Variants in EBPL observed in about 807,000 individuals in gnomAD.
EBPL encodes the protein EBP like.
Under a neutral mutation model 19.0 loss-of-function variants are expected in EBPL, and 20 were observed. The ratio of observed to expected loss-of-function variants is 1.05; its 90% confidence interval spans 0.74 to 1.53. EBPL has a LOEUF of 1.53. Ranked by LOEUF, EBPL falls within the 40% of genes most tolerant of loss-of-function variation. EBPL has a pLI of 0.00. For synonymous variants in EBPL, 107 were observed against 117.0 expected, an observed-to-expected ratio of 0.91 and a Z score of 0.55; for missense variants, 219 against 261.1, an observed-to-expected ratio of 0.84 and a Z score of 1.11.
At chr13:49,684,301 GA>G (rs1293987446) in intron 1 of EBPL, among the ~76,000 whole-genome samples, 1 of 152,200 alleles carries the variant, frequency 6.6e-6, no homozygotes, top group Non-Finnish European at 1.5e-5. Context: ...GGGGAATTTA[GA>G]AAAGTGGCTG....
chr13:49,672,684 T>C (rs1032546946), intron 1 of EBPL, among the ~76,000 whole-genome samples: 7 of 152,106 alleles, frequency 4.6e-5, no homozygotes, highest in African/African-American at 1.4e-4. Context: ...AATAAGCACA[T>C]GGAAAGATGT....
At chr13:49,678,677 A>C (rs928951983) in intron 1 of EBPL, among the ~76,000 whole-genome samples, 2 of 151,588 alleles carry the variant, frequency 1.3e-5, no homozygotes, top group African/African-American at 4.8e-5. Flanking sequence ...ACACCTCTCC[A>C]CAAGCAAAGG....
intron 1 of EBPL, 146 bp from the exon 2 acceptor site, chr13:49,669,992 T>C: frequency 1.5e-6 from 1 of 654,486 alleles, no homozygotes; most frequent in East Asian, 2.7e-5. Flanking sequence ...CCATACAACC[T>C]TGTGGGATAC....
chr13:49,661,003 G>T lies in EBPL; in HGVS notation c.586C>A (p.Gln196Lys). 1 of 1,613,894 alleles carries T rather than the reference G, an allele frequency of 6.2e-7. No individual in the cohort carries two copies. The highest frequency in any genetic ancestry group is 1.1e-5 in the South Asian group (1 of 90,990). ...TTCTTCACTGAACTGGTTTCTTTCT[G>T]ATGCATTTTCTTGAGTTCTAGCCAT... ...QSWLELKKMH[Q>K]KETSSVKKFQ The change falls in exon 4 of 4, where the codon CAG becomes AAG. Residue 196 changes from glutamine (Q) to lysine (K), a missense_variant. Coordinates refer to ENST00000242827, the MANE Select transcript of EBPL (RefSeq NM_032565.5).
chr13:49,677,182 T>G lies in EBPL; in HGVS notation c.172-7336A>C, dbSNP rs149333918. 5.3e-5 allele frequency among the ~76,000 whole-genome samples: 8 copies of G among 152,294 alleles called. No individual in the cohort carries two copies. The East Asian group carries it at 1.5e-3, about 29-fold the overall frequency. Reference sequence around the variant, plus strand: ...AGCCAAATAGACCAACAAACACTTGTCTTTTCTTCATGAAGTAGGTAATAC... The same window carrying G: ...AGCCAAATAGACCAACAAACACTTGGCTTTTCTTCATGAAGTAGGTAATAC... On this transcript the variant is annotated intron_variant, in intron 1 of 3. Transcript: ENST00000242827.
chr13:49,679,330 T>C (rs1445164948), intron 1 of EBPL, among the ~76,000 whole-genome samples: 1 of 152,166 alleles, frequency 6.6e-6, no homozygotes, highest in Non-Finnish European at 1.5e-5. Context: ...GATCCAGCCA[T>C]CTGGAACTAA....
chr13:49,690,418 C>CAA (rs33964235), intron 1 of EBPL, among the ~76,000 whole-genome samples: 7,766 of 87,832 alleles, frequency 0.088, 352 homozygotes, highest in Non-Finnish European at 0.12. Context: ...GTCAACTTTA[C>CAA]AAAAAAAAAA....
intron 1 of EBPL, among the ~76,000 whole-genome samples, chr13:49,683,838 G>A (rs34480126): frequency 0.18 from 28,053 of 152,106 alleles, 3,246 homozygotes; most frequent in Non-Finnish European, 0.26. Flanking sequence ...CCAAGGCCTC[G>A]GCCTAGGAGA....
intron 1 of EBPL, among the ~76,000 whole-genome samples, chr13:49,677,328 A>C (rs1415137605): frequency 6.6e-6 from 1 of 152,176 alleles, no homozygotes; most frequent in Non-Finnish European, 1.5e-5. Flanking sequence ...ATCCCACCCC[A>C]GGAAGGTCAT....
At chr13:49,689,276 T>TA (rs1279947725) in intron 1 of EBPL, among the ~76,000 whole-genome samples, 1 of 152,252 alleles carries the variant, frequency 6.6e-6, no homozygotes, top group African/African-American at 2.4e-5. Context: ...TAAACAGTCT[T>TA]AAACCAAGTG....
intron 1 of EBPL, among the ~76,000 whole-genome samples, chr13:49,683,668 C>A (rs1013491018): frequency 1.3e-5 from 2 of 152,162 alleles, no homozygotes; most frequent in South Asian, 2.1e-4. Context: ...ATACATCTAT[C>A]AGAATGACTA....
At chr13:49,686,300 A>G (rs1374017438) in intron 1 of EBPL, among the ~76,000 whole-genome samples, 1 of 152,098 alleles carries the variant, frequency 6.6e-6, no homozygotes, top group Non-Finnish European at 1.5e-5. Flanking sequence ...GCCTGCCCTG[A>G]GGTGCCTCTG....
At chr13:49,681,626 A>C (rs1161733120) in intron 1 of EBPL, among the ~76,000 whole-genome samples, 1 of 152,236 alleles carries the variant, frequency 6.6e-6, no homozygotes, top group South Asian at 2.1e-4. Flanking sequence ...TATTTTATAG[A>C]CTTAAAGACA....
At chr13:49,682,398 A>G (rs1020489571) in intron 1 of EBPL, among the ~76,000 whole-genome samples, 1 of 152,246 alleles carries the variant, frequency 6.6e-6, no homozygotes, top group Non-Finnish European at 1.5e-5. Context: ...GGACATATAC[A>G]TCATCACTTT....
At chr13:49,680,330 C>T (rs932143949) in intron 1 of EBPL, among the ~76,000 whole-genome samples, 1 of 152,146 alleles carries the variant, frequency 6.6e-6, no homozygotes, top group Non-Finnish European at 1.5e-5. Flanking sequence ...TTACTCAGTA[C>T]ATAAACGTAA....
At chr13:49,673,602 A>T (rs139299546) in intron 1 of EBPL, among the ~76,000 whole-genome samples, 1,562 of 151,766 alleles carry the variant, frequency 0.01, 9 homozygotes, top group Non-Finnish European at 0.016. Flanking sequence ...ACGCCCACCT[A>T]ATTTTTGTAT....
At chr13:49,672,798 G>A (rs569364317) in intron 1 of EBPL, among the ~76,000 whole-genome samples, 29 of 152,298 alleles carry the variant, frequency 1.9e-4, no homozygotes, top group African/African-American at 6.7e-4. Context: ...GGTGGTTCAC[G>A]CCTGTAATCC....
At chr13:49,663,697 G>A (rs929608473) in intron 2 of EBPL, among the ~76,000 whole-genome samples, 4 of 151,892 alleles carry the variant, frequency 2.6e-5, no homozygotes, top group African/African-American at 9.7e-5. Flanking sequence ...CAACACTTTG[G>A]GAGGCCAAGG....
At chr13:49,663,292 G>C (rs914725444) in intron 2 of EBPL, 97 bp from the exon 3 acceptor site, 30 of 1,452,312 alleles carry the variant, frequency 2.1e-5, no homozygotes, top group Middle Eastern at 1.8e-4. Context: ...GATAAAATGA[G>C]TAATCGCCAC....
Sources: allele counts gnomAD v4.1 joint callset (sites outside exome capture counted in the v4.1 genomes callset), GRCh38; gene constraint gnomAD v4.1.1; transcripts MANE v1.5; gene names NCBI Gene and HGNC (gene_info 2026-07-23, HGNC 2026-07-21).